The following SREK1 variants were observed in gnomAD, a reference collection of about 807,000 sequenced individuals.
The protein encoded by SREK1 is splicing regulatory glutamic acid and lysine rich protein 1.
A neutral mutation model predicts 66.5 loss-of-function variants in SREK1; 13 were observed. The observed-to-expected ratio is 0.20, with a 90% CI of 0.13 to 0.31. The LOEUF is 0.31. SREK1 is among the 10% of genes least tolerant of loss of function. The probability of loss-of-function intolerance (pLI) is 1.00; values close to 1 mark genes in which losing one functional copy is unlikely to be tolerated. For missense variants in SREK1, 607 were observed against 769.6 expected, an observed-to-expected ratio of 0.79 and a Z score of 2.50; for synonymous variants, 265 against 263.5, an observed-to-expected ratio of 1.01 and a Z score of -0.05.
rs1746402743 is a variant in SREK1, at chr5:66,180,417, A to G, written c.*1549A>G. ...ACCTCATGGGAAGAGTTACTTTTTT[A>G]GATCTAAAAAGCTGAATAGCATGTT... is the stretch of plus-strand genomic sequence containing the variant. On this transcript the variant is annotated 3_prime_UTR_variant, in exon 12 of 12. Transcript: ENST00000334121. 1 of 152,602 alleles carries G rather than the reference A, an allele frequency of 6.6e-6. No individual in the cohort carries two copies. Among genetic ancestry groups the G allele is most frequent in the Admixed American group, 6.6e-5 (1 of 15,266 alleles). The allele number at this position is 152,602 out of a possible 1,614,324, so 9.5% of individuals were successfully genotyped here.
chr5:66,168,359 T>C (rs1745333143), intron 7 of SREK1: 1 of 152,132 alleles, frequency 6.6e-6, no homozygotes. Context: ...CATGGTCTTT[T>C]TCTTTTTTCT....
rs774919780 is a variant in SREK1, at chr5:66,162,164, A to G, written c.467A>G (p.Asn156Ser). 8 of 1,614,024 alleles carry G rather than the reference A, an allele frequency of 5.0e-6. No homozygotes were observed. The highest frequency in any genetic ancestry group is 3.3e-5 in the Admixed American group (2 of 60,002). ...GAIPAAALDP[N>S]IATLGEIPQP... is the part of the protein sequence containing the mutation. ...ATACCAGCAGCAGCACTAGACCCCA[A>G]CATTGCAACACTTGGAGAGATACCA... The change falls in exon 4 of 12, where the codon AAC becomes AGC. Residue 156 changes from asparagine (N) to serine (S), a missense_variant. Asn to Ser is a conservative substitution (Grantham distance 46, BLOSUM62 1). Around this residue, in one of 5 missense-constraint regions of SREK1, gnomAD observed 99 missense variants for 186.6 expected, o/e 0.53. Coordinates refer to ENST00000334121, the MANE Select transcript of SREK1 (RefSeq NM_001077199.3).
chr5:66,144,927 G>C (rs1743028047), intron 1 of SREK1: 4 of 993,494 alleles, frequency 4.0e-6, no homozygotes, highest in Non-Finnish European at 4.8e-6. Flanking sequence ...TGAAAATCGC[G>C]GAGACCGCGC....
At chr5:66,161,176 A>G (rs1744729191) in intron 3 of SREK1, among the ~76,000 whole-genome samples, 1 of 152,194 alleles carries the variant, frequency 6.6e-6, no homozygotes, top group Admixed American at 6.5e-5. Context: ...CGATGCTATG[A>G]TAATTGTTGA....
At chr5:66,159,421 G>T in intron 3 of SREK1, 87 bp downstream of exon 3, 3 of 1,048,426 alleles carry the variant, frequency 2.9e-6, no homozygotes, top group South Asian at 2.9e-5. Context: ...TTTGCATTTG[G>T]ATCTTCTTCT....
intron 6 of SREK1, chr5:66,164,564 C>T (rs1308543920): frequency 1.7e-5 from 25 of 1,484,512 alleles, no homozygotes; most frequent in Non-Finnish European, 2.1e-5. Flanking sequence ...CAAAATATTA[C>T]GAACAGCTGT....
In SREK1 at chr5:66,150,745, A is replaced by T. The variant is rs1464052089; in HGVS notation, c.162-2718A>T. 3.3e-5 allele frequency among the ~76,000 whole-genome samples: 5 copies of T among 152,236 alleles called. No homozygotes were observed. In the East Asian group the frequency reaches 9.6e-4, roughly 29 times the overall value. On this transcript the variant is annotated intron_variant, in intron 1 of 11. Transcript: ENST00000334121. ...TTACAAGGTACTCTAAGCAGGATAT[A>T]TTGACCAATTGGATGAGGACAGAAA...
chr5:66,167,446 C>A (rs1038631921), intron 7 of SREK1: 6 of 152,118 alleles, frequency 3.9e-5, no homozygotes, highest in Non-Finnish European at 8.8e-5. Context: ...TGGTAAGTTG[C>A]TGGTTTTTTA....
chr5:66,164,158 A>T (rs76397762), intron 6 of SREK1: 4,826 of 422,456 alleles, frequency 0.011, 64 homozygotes, highest in Non-Finnish European at 0.016. Flanking sequence ...CTGTATTTTC[A>T]TAGCAAAATC....
At chr5:66,144,686 C>G in intron 1 of SREK1, 149 bp downstream of exon 1, 3 of 1,348,268 alleles carry the variant, frequency 2.2e-6, no homozygotes, top group South Asian at 1.5e-5. Flanking sequence ...ATTAGGGCAC[C>G]CGGGTTCCGC....
intron 7 of SREK1, chr5:66,168,989 T>A (rs1745397314): frequency 6.6e-6 from 1 of 152,114 alleles, no homozygotes; most frequent in South Asian, 2.1e-4. Flanking sequence ...AACTCAGGCT[T>A]GGAGAGGTTA....
At position 66,144,340 on chromosome 5, in the gene SREK1, C is replaced by T. The variant is rs544286658; in HGVS notation, c.-37C>T. ...GGCTCCGTCGCTGACGCGTCGTAGA[C>T]GTTGGGGAGCGGGAAGGCAACGGCA... On this transcript the variant is annotated 5_prime_UTR_variant, in exon 1 of 12. It adds an upstream start codon to the 5' untranslated region. Transcript: ENST00000334121. 9 of 1,483,890 alleles carry T rather than the reference C, an allele frequency of 6.1e-6. No individual in the cohort carries two copies. The Admixed American group carries it at 6.2e-5, about 10-fold the overall frequency. The allele number at this position is 1,483,890 out of a possible 1,614,324, so 91.9% of individuals were successfully genotyped here.
chr5:66,180,110 G>A lies in SREK1; in HGVS notation c.*1242G>A, dbSNP rs1349991835. 1.3e-5 allele frequency: 2 copies of A among 152,444 alleles called. No homozygotes were observed. The highest frequency in any genetic ancestry group is 2.9e-5 in the Non-Finnish European group (2 of 67,982). 9.4% of individuals were successfully genotyped at this position (152,444 alleles called of 1,614,324 possible). A position where few individuals can be genotyped will look rare whatever the true frequency, so the allele number is the denominator to read the frequency against. On this transcript the variant is annotated 3_prime_UTR_variant, in exon 12 of 12. Transcript: ENST00000334121. Reference sequence around the variant, plus strand: ...ATGATGTGCAGAAATTGTACTTAAGGACTTAGGAGTATATGGGAGGTTATT... The same window carrying A: ...ATGATGTGCAGAAATTGTACTTAAGAACTTAGGAGTATATGGGAGGTTATT...
chr5:66,167,680 G>T (rs1422647989), intron 7 of SREK1: 1 of 152,126 alleles, frequency 6.6e-6, no homozygotes, highest in Non-Finnish European at 1.5e-5. Context: ...CATCTCAATT[G>T]CAGGGTAAGG....
intron 2 of SREK1, chr5:66,155,943 C>A: frequency 7.2e-7 from 1 of 1,394,460 alleles, no homozygotes. Context: ...TACGGTCAAA[C>A]ATAACAAGGG....
At chr5:66,177,952 T>C (rs1746196510) in intron 11 of SREK1, among the ~76,000 whole-genome samples, 1 of 152,126 alleles carries the variant, frequency 6.6e-6, no homozygotes, top group Non-Finnish European at 1.5e-5. Flanking sequence ...GATTTCTGCC[T>C]GATGCCATTT....
At chr5:66,174,854 T>C (rs1474135096) in intron 9 of SREK1, 92 bp from the exon 10 acceptor site, 3 of 1,165,506 alleles carry the variant, frequency 2.6e-6, no homozygotes, top group Non-Finnish European at 2.5e-6. Flanking sequence ...ACTGTTCATA[T>C]GAGAATATCA....
rs1016329293 is a variant in SREK1, at chr5:66,182,528, C to G, written c.*3660C>G. The G allele has an allele frequency of 6.6e-6, 1 of 152,044 alleles. No homozygotes were observed. The highest frequency in any genetic ancestry group is 2.4e-5 in the African/African-American group (1 of 41,404). 9.4% of individuals were successfully genotyped at this position (152,044 alleles called of 1,614,324 possible). A position where few individuals can be genotyped will look rare whatever the true frequency, so the allele number is the denominator to read the frequency against. ...TGGGTGAGTTTGTTTTTAGTACACT[C>G]TTATTGGTGGTTTTGCCTGAAGAGT... On this transcript the variant is annotated 3_prime_UTR_variant, in exon 12 of 12. Transcript: ENST00000334121.
At chr5:66,153,389 AAG>A in intron 1 of SREK1, 72 bp from the exon 2 acceptor site, 1 of 1,554,606 alleles carries the variant, frequency 6.4e-7, no homozygotes, top group African/African-American at 1.4e-5. Context: ...AAGGTTAAGA[AAG>A]AAATTTTAAG....
Sources: gnomAD v4.1 joint callset for allele counts (sites outside exome capture counted in the v4.1 genomes callset) on GRCh38, gnomAD v4.1.1 for gene constraint, gnomAD v4.1.1 regional missense constraint, MANE v1.5 for transcripts, NCBI Gene and HGNC (gene_info 2026-07-23, HGNC 2026-07-21) for gene names.